Variants in GRM8 observed in about 807,000 individuals in gnomAD.
GRM8 encodes the protein glutamate metabotropic receptor 8.
Under a neutral mutation model 87.2 loss-of-function variants are expected in GRM8, and 47 were observed. That is an observed-to-expected ratio of 0.54 (90% CI 0.43 to 0.69). The LOEUF (loss-of-function observed/expected upper bound fraction) is 0.69, where lower values mean the gene tolerates loss of function less well. Ranked by LOEUF, GRM8 falls within the 30% of genes least tolerant of loss-of-function variation. The probability of loss-of-function intolerance (pLI) is 0.00; values close to 1 mark genes in which losing one functional copy is unlikely to be tolerated. For missense variants in GRM8, 1,019 were observed against 1,139.2 expected, an observed-to-expected ratio of 0.89 and a Z score of 1.52; for synonymous variants, 396 against 404.5, an observed-to-expected ratio of 0.98 and a Z score of 0.25.
At chr7:126,812,645 A>G (rs1793410553) in intron 6 of GRM8, among the ~76,000 whole-genome samples, 1 of 151,976 alleles carries the variant, frequency 6.6e-6, no homozygotes, top group African/African-American at 2.4e-5. Context: ...GAATTTTGGT[A>G]TCTGTAGGAG....
At chr7:126,574,293 C>T (rs1173293259) in intron 8 of GRM8, among the ~76,000 whole-genome samples, 1 of 152,160 alleles carries the variant, frequency 6.6e-6, no homozygotes, top group African/African-American at 2.4e-5. Context: ...CATTGAACTC[C>T]TCATCAATGT....
intron 3 of GRM8, among the ~76,000 whole-genome samples, chr7:127,101,905 G>C (rs949650892): frequency 6.6e-6 from 1 of 152,176 alleles, no homozygotes; most frequent in African/African-American, 2.4e-5. Context: ...TTAGAGACCA[G>C]TTAAATGCTT....
At chr7:126,505,768 T>C (rs1271348614) in intron 9 of GRM8, among the ~76,000 whole-genome samples, 2 of 152,098 alleles carry the variant, frequency 1.3e-5, no homozygotes, top group Non-Finnish European at 2.9e-5. Flanking sequence ...AGATATACGT[T>C]TTGAAATGAT....
At chr7:127,079,810 G>T (rs1408192191) in intron 3 of GRM8, among the ~76,000 whole-genome samples, 1 of 151,290 alleles carries the variant, frequency 6.6e-6, no homozygotes, top group Admixed American at 6.6e-5. Context: ...AAACAAAAAG[G>T]CCCCCAATGG....
chr7:127,167,817 T>C (rs1250606689), intron 2 of GRM8, among the ~76,000 whole-genome samples: 1 of 152,108 alleles, frequency 6.6e-6, no homozygotes, highest in Non-Finnish European at 1.5e-5. Flanking sequence ...TTAGTAACCA[T>C]ACAATGGCTT....
intron 2 of GRM8, among the ~76,000 whole-genome samples, chr7:127,114,276 G>A (rs185053701): frequency 6.6e-6 from 1 of 152,294 alleles, no homozygotes; most frequent in East Asian, 1.9e-4. Flanking sequence ...GCACAATGGA[G>A]TTTAACAAAA....
intron 9 of GRM8, among the ~76,000 whole-genome samples, chr7:126,478,120 T>C (rs942195802): frequency 6.6e-6 from 1 of 152,162 alleles, no homozygotes; most frequent in African/African-American, 2.4e-5. Context: ...AGGCCCCTTT[T>C]CCATATAAGA....
At chr7:126,806,981 C>A (rs1040359882) in intron 6 of GRM8, among the ~76,000 whole-genome samples, 1 of 152,168 alleles carries the variant, frequency 6.6e-6, no homozygotes, top group Non-Finnish European at 1.5e-5. Flanking sequence ...GCTCCTCGAG[C>A]GCGGCCAGAG....
chr7:127,195,355 A>G (rs969672069), intron 2 of GRM8, among the ~76,000 whole-genome samples: 8 of 152,206 alleles, frequency 5.3e-5, no homozygotes, highest in Admixed American at 3.9e-4. Flanking sequence ...CAAAAATTCC[A>G]GAGTCTAGAT....
chr7:126,617,596 T>C (rs565380834), intron 7 of GRM8, among the ~76,000 whole-genome samples: 2 of 152,318 alleles, frequency 1.3e-5, no homozygotes, highest in Admixed American at 1.3e-4. Flanking sequence ...TGTCCCTGTT[T>C]GCAGATGACA....
intron 3 of GRM8, among the ~76,000 whole-genome samples, chr7:127,099,994 G>C (rs1309182516): frequency 1.3e-5 from 2 of 152,130 alleles, no homozygotes; most frequent in African/African-American, 4.8e-5. Flanking sequence ...TGTGATGGTA[G>C]AGGCAGAGAC....
At chr7:127,047,044 T>C (rs549848974) in intron 3 of GRM8, among the ~76,000 whole-genome samples, 1 of 152,320 alleles carries the variant, frequency 6.6e-6, no homozygotes, top group African/African-American at 2.4e-5. Flanking sequence ...ATCCCTACAT[T>C]GTAGTCTACA....
chr7:126,697,807 A>G (rs976293261), intron 7 of GRM8, among the ~76,000 whole-genome samples: 1 of 152,202 alleles, frequency 6.6e-6, no homozygotes. Context: ...CTGAAAATAT[A>G]GAAGGGGTGC....
chr7:127,219,397 A>G (rs545206995), intron 2 of GRM8: 3 of 152,302 alleles, frequency 2.0e-5, no homozygotes, highest in Non-Finnish European at 2.9e-5. Context: ...ACTTAAAATT[A>G]CTTTTTCGTT....
In GRM8 at chr7:127,014,994, G is replaced by GAAGAAGA. The variant is rs1468703535; in HGVS notation, c.727+91495_727+91501dup. On this transcript the variant is annotated intron_variant, in intron 3 of 10. Transcript: ENST00000339582. Reference sequence around the variant, plus strand: ...GGAAGAAGAAGGAGAAGAGGAAGAAGAAGAAGAAAGAAGAAGAAGAAGAAG... The same window carrying GAAGAAGA: ...GGAAGAAGAAGGAGAAGAGGAAGAAGAAGAAGAAAGAAGAAAGAAGAAGAAGAAGAAG... Among the ~76,000 whole-genome samples, 2 of 118,768 alleles carry GAAGAAGA rather than the reference G, an allele frequency of 1.7e-5. 1 individual carries two copies. The highest frequency in any genetic ancestry group is 5.7e-4 in the South Asian group (2 of 3,518). 77.9% of individuals were successfully genotyped at this position (118,768 alleles called of 152,430 possible).
At chr7:126,739,383 CA>C (rs1442960265) in intron 7 of GRM8, among the ~76,000 whole-genome samples, 3 of 150,896 alleles carry the variant, frequency 2.0e-5, no homozygotes, top group Non-Finnish European at 4.4e-5. Context: ...AGATTCCATC[CA>C]AAGTTACTCA....
intron 9 of GRM8, among the ~76,000 whole-genome samples, chr7:126,453,187 G>T (rs1804076690): frequency 6.6e-6 from 1 of 151,354 alleles, no homozygotes; most frequent in African/African-American, 2.4e-5. Context: ...CCACAGCAAA[G>T]AATTATAGTC....
intron 6 of GRM8, among the ~76,000 whole-genome samples, chr7:126,880,522 A>G (rs1371052368): frequency 1.3e-5 from 2 of 152,210 alleles, no homozygotes; most frequent in African/African-American, 4.8e-5. Flanking sequence ...GATGTTCTCT[A>G]CAATCAAATA....
intron 9 of GRM8, among the ~76,000 whole-genome samples, chr7:126,484,993 A>G (rs946394894): frequency 6.6e-6 from 1 of 151,946 alleles, no homozygotes; most frequent in East Asian, 1.9e-4. Flanking sequence ...TGCTTAAGTC[A>G]TACTATGGAC....
Sources: gnomAD v4.1 joint callset for allele counts (sites outside exome capture counted in the v4.1 genomes callset) on GRCh38, gnomAD v4.1.1 for gene constraint, MANE v1.5 for transcripts, NCBI Gene and HGNC (gene_info 2026-07-23, HGNC 2026-07-21) for gene names.